XYLT1: variants seen among roughly 807,000 people sequenced by gnomAD.
The protein encoded by XYLT1 is xylosyltransferase 1.
In XYLT1, 36 loss-of-function variants were observed where a neutral mutation model predicts 91.3. That is an observed-to-expected ratio of 0.39 (90% CI 0.30 to 0.52). The LOEUF is 0.52. Among genes scored for constraint, XYLT1 ranks in the 20% least tolerant of loss-of-function variants. XYLT1 has a pLI of 0.68. For synonymous variants in XYLT1, 588 were observed against 532.0 expected, an observed-to-expected ratio of 1.11 and a Z score of -1.45; for missense variants, 1,242 against 1,284.5, an observed-to-expected ratio of 0.97 and a Z score of 0.51.
At chr16:17,132,734 C>G (rs1490028071) in intron 9 of XYLT1, among the ~76,000 whole-genome samples, 1 of 152,136 alleles carries the variant, frequency 6.6e-6, no homozygotes, top group African/African-American at 2.4e-5. Context: ...GAAATCCTGT[C>G]TCTACTAAAA....
At chr16:17,178,254 C>T (rs535933762) in intron 5 of XYLT1, among the ~76,000 whole-genome samples, 100 of 152,016 alleles carry the variant, frequency 6.6e-4, no homozygotes, top group African/African-American at 2.3e-3. Context: ...AAATGGCACA[C>T]GAAGTAGGTT....
In XYLT1 at chr16:17,200,571, C is replaced by T; in HGVS notation, c.997G>A (p.Val333Met). 1 of 1,614,196 alleles carries T rather than the reference C, an allele frequency of 6.2e-7. No homozygotes were observed. The highest frequency in any genetic ancestry group is 1.7e-5 in the Admixed American group (1 of 60,024). The change falls in exon 4 of 12, where the codon GTG becomes ATG. Residue 333 changes from valine to methionine, a missense_variant. This residue lies in a region of XYLT1 where 294 missense variants were observed against 376.0 expected (regional missense o/e 0.78). Coordinates refer to ENST00000261381, the MANE Select transcript of XYLT1 (RefSeq NM_022166.4). The stretch of plus-strand genomic sequence containing the variant: ...TGCCGAGAGGCACGGCCGTGGACCA[C>T]CAGGACAAAGGCGATTCTGACCGGG... ...ANPVRIAFVL[V>M]VHGRASRQLQ...
At chr16:17,366,891 G>A (rs986712412) in intron 1 of XYLT1, among the ~76,000 whole-genome samples, 1 of 152,062 alleles carries the variant, frequency 6.6e-6, no homozygotes, top group Admixed American at 6.6e-5. Flanking sequence ...CTTCCCAGTG[G>A]TACAACCACA....
intron 2 of XYLT1, among the ~76,000 whole-genome samples, chr16:17,281,348 C>T (rs551543709): frequency 5.4e-4 from 82 of 152,252 alleles, no homozygotes; most frequent in African/African-American, 1.7e-3. Flanking sequence ...TGGCCACACC[C>T]GGGGTTGTGA....
chr16:17,163,627 C>T (rs561541416), intron 5 of XYLT1, among the ~76,000 whole-genome samples: 3 of 152,284 alleles, frequency 2.0e-5, no homozygotes, highest in Admixed American at 6.5e-5. Flanking sequence ...CAAAGTTATA[C>T]GCAGGATTTT....
chr16:17,262,301 A>C (rs1186186792), intron 2 of XYLT1, among the ~76,000 whole-genome samples: 4 of 152,162 alleles, frequency 2.6e-5, no homozygotes, highest in African/African-American at 7.2e-5. Context: ...CTGTTCGCCC[A>C]CCTTACAGAA....
intron 2 of XYLT1, among the ~76,000 whole-genome samples, chr16:17,322,393 A>T (rs762482798): frequency 2.0e-5 from 3 of 152,186 alleles, no homozygotes; most frequent in Non-Finnish European, 4.4e-5. Flanking sequence ...CATCGTCATC[A>T]TCATCATCTC....
chr16:17,236,607 C>T (rs1243200635), intron 3 of XYLT1, among the ~76,000 whole-genome samples: 1 of 152,124 alleles, frequency 6.6e-6, no homozygotes, highest in African/African-American at 2.4e-5. Flanking sequence ...TCTCATAGTG[C>T]CGGAGGCTGG....
At chr16:17,112,131 C>A (rs1296687561) in intron 11 of XYLT1, among the ~76,000 whole-genome samples, 4 of 152,174 alleles carry the variant, frequency 2.6e-5, no homozygotes, top group Non-Finnish European at 4.4e-5. Context: ...TGCAAAAAAA[C>A]CCTTATGAGA....
At chr16:17,407,554 A>G (rs2141907923) in intron 1 of XYLT1, among the ~76,000 whole-genome samples, 1 of 152,266 alleles carries the variant, frequency 6.6e-6, no homozygotes, top group Middle Eastern at 3.4e-3. Flanking sequence ...TCAGCCTCCC[A>G]TGTGCTGGGA....
At chr16:17,450,395 T>C (rs1385283450) in intron 1 of XYLT1, among the ~76,000 whole-genome samples, 1 of 151,600 alleles carries the variant, frequency 6.6e-6, no homozygotes, top group Non-Finnish European at 1.5e-5. Flanking sequence ...TTCTAGAGTT[T>C]ATTGTTAGGT....
chr16:17,465,672 C>T (rs2036887526), intron 1 of XYLT1, among the ~76,000 whole-genome samples: 2 of 152,078 alleles, frequency 1.3e-5, no homozygotes, highest in Non-Finnish European at 2.9e-5. Context: ...CACATTCCGT[C>T]CTGCTCACAC....
At chr16:17,144,544 G>A (rs1386441196) in intron 6 of XYLT1, among the ~76,000 whole-genome samples, 1 of 152,152 alleles carries the variant, frequency 6.6e-6, no homozygotes, top group Non-Finnish European at 1.5e-5. Flanking sequence ...AGACTAGGAG[G>A]GGTGCAGGGA....
intron 2 of XYLT1, among the ~76,000 whole-genome samples, chr16:17,323,284 T>C (rs771560251): frequency 2.0e-5 from 3 of 152,238 alleles, no homozygotes; most frequent in Non-Finnish European, 4.4e-5. Flanking sequence ...CTGTATTTAA[T>C]GCTGCTGCTA....
chr16:17,122,030 T>A (rs12919396), intron 10 of XYLT1, among the ~76,000 whole-genome samples: 99,217 of 151,830 alleles, frequency 0.65, 33,267 homozygotes, highest in Non-Finnish European at 0.71. Context: ...CTGCTTCCAT[T>A]TTTTTTGCAA....
chr16:17,467,110 C>T (rs2036908210), intron 1 of XYLT1, among the ~76,000 whole-genome samples: 1 of 152,084 alleles, frequency 6.6e-6, no homozygotes, highest in Non-Finnish European at 1.5e-5. Flanking sequence ...ATTTCAAAGG[C>T]GTCGGATAAT....
intron 2 of XYLT1, among the ~76,000 whole-genome samples, chr16:17,322,545 A>G (rs185555040): frequency 5.9e-5 from 9 of 152,310 alleles, no homozygotes; most frequent in Admixed American, 5.9e-4. Context: ...TAATAGAGCA[A>G]TGAGCAGAAA....
intron 5 of XYLT1, among the ~76,000 whole-genome samples, chr16:17,168,024 G>C (rs546709871): frequency 6.6e-6 from 1 of 152,316 alleles, no homozygotes; most frequent in East Asian, 1.9e-4. Context: ...GAAGTCCAGG[G>C]TTGCAGACCA....
intron 1 of XYLT1, among the ~76,000 whole-genome samples, chr16:17,371,334 C>G (rs1596508547): frequency 6.6e-6 from 1 of 152,312 alleles, no homozygotes; most frequent in East Asian, 1.9e-4. Context: ...TAAATTCTTG[C>G]TGAACCAAAA....
Sources: gnomAD v4.1 joint callset for allele counts (sites outside exome capture counted in the v4.1 genomes callset) on GRCh38, gnomAD v4.1.1 for gene constraint, gnomAD v4.1.1 regional missense constraint, MANE v1.5 for transcripts, NCBI Gene and HGNC (gene_info 2026-07-23, HGNC 2026-07-21) for gene names.